The following SLIT3 variants were observed in gnomAD, a reference collection of about 807,000 sequenced individuals.
The protein encoded by SLIT3 is slit homolog 3 protein.
Under a neutral mutation model 184.0 loss-of-function variants are expected in SLIT3, and 68 were observed. That is an observed-to-expected ratio of 0.37 (90% confidence interval 0.30 to 0.45). The LOEUF (loss-of-function observed/expected upper bound fraction) is 0.45. Ranked by LOEUF, SLIT3 falls within the 20% of genes least tolerant of loss-of-function variation. SLIT3 has a pLI of 1.00. For missense variants in SLIT3, 1,707 were observed against 2,026.0 expected (o/e 0.84, Z 3.02); for synonymous variants, 831 against 828.6 (o/e 1.00, Z -0.05).
rs1373746581 is a variant in SLIT3 at position 168,688,831 on chromosome 5, C to T, written c.3177-1715G>A. ...TTGGCCCAGGAAGCCATCTGTGTGT[C>T]TCTTGAATTCTAAAAAGTAGTTGCA... On this transcript the variant is annotated intron_variant, in intron 29 of 35. Transcript: ENST00000519560. 2.6e-5 allele frequency among the ~76,000 whole-genome samples: 4 copies of T among 152,334 alleles called. No individual in the cohort carries two copies. The East Asian group carries it at 7.7e-4, about 29-fold the overall frequency.
At chr5:168,962,648 G>T (rs1763057944) in intron 4 of SLIT3, among the ~76,000 whole-genome samples, 1 of 152,098 alleles carries the variant, frequency 6.6e-6, no homozygotes, top group South Asian at 2.1e-4. Context: ...TCCCACTGAG[G>T]CCCCCCAGGG....
chr5:169,060,251 G>T (rs944366152), intron 4 of SLIT3, among the ~76,000 whole-genome samples: 3 of 152,204 alleles, frequency 2.0e-5, no homozygotes, highest in Non-Finnish European at 4.4e-5. Flanking sequence ...TTAGCTGGGT[G>T]TGGTGGCACA....
intron 1 of SLIT3, among the ~76,000 whole-genome samples, chr5:169,295,734 A>T (rs1767481457): frequency 6.6e-6 from 1 of 152,254 alleles, no homozygotes. Flanking sequence ...GGTGAGACAG[A>T]ACTCTGTGAC....
intron 4 of SLIT3, among the ~76,000 whole-genome samples, chr5:169,002,726 CA>C (rs1755763437): frequency 6.6e-6 from 1 of 152,188 alleles, no homozygotes; most frequent in Non-Finnish European, 1.5e-5. Context: ...CTTCCTTGAT[CA>C]AAGTATTTCC....
intron 7 of SLIT3, among the ~76,000 whole-genome samples, chr5:168,819,733 T>TA (rs1284339235): frequency 6.6e-6 from 1 of 152,222 alleles, no homozygotes; most frequent in Non-Finnish European, 1.5e-5. Flanking sequence ...AGGTTTCCCT[T>TA]TTGGAAGATT....
intron 4 of SLIT3, among the ~76,000 whole-genome samples, chr5:169,067,890 G>A (rs1177939994): frequency 6.6e-6 from 1 of 152,212 alleles, no homozygotes; most frequent in African/African-American, 2.4e-5. Context: ...CTAACGCTCA[G>A]GGCATCAAAC....
At chr5:168,971,717 G>A (rs139277258) in intron 4 of SLIT3, among the ~76,000 whole-genome samples, 229 of 152,296 alleles carry the variant, frequency 1.5e-3, no homozygotes, top group African/African-American at 5.3e-3. Flanking sequence ...CAAGTAAGCC[G>A]AAAACCAGAG....
intron 16 of SLIT3, among the ~76,000 whole-genome samples, chr5:168,758,968 G>A (rs902768971): frequency 2.6e-5 from 4 of 152,148 alleles, no homozygotes; most frequent in African/African-American, 7.2e-5. Flanking sequence ...TTTGTTTCAT[G>A]CATAAAATTA....
intron 8 of SLIT3, 76 bp downstream of exon 8, chr5:168,817,224 G>A: frequency 7.2e-7 from 1 of 1,396,492 alleles, no homozygotes; most frequent in Non-Finnish European, 1.0e-6. Flanking sequence ...TGTGTTCAAG[G>A]TCAGGGTGAT....
At chr5:168,806,636 C>T in intron 8 of SLIT3, 49 bp from the exon 9 acceptor site, 1 of 1,607,644 alleles carries the variant, frequency 6.2e-7, no homozygotes, top group Non-Finnish European at 8.5e-7. Flanking sequence ...TCAGGAGCTG[C>T]CTGGGCTTCT....
At chr5:168,924,007 T>C (rs1301021214) in intron 4 of SLIT3, among the ~76,000 whole-genome samples, 1 of 152,248 alleles carries the variant, frequency 6.6e-6, no homozygotes, top group African/African-American at 2.4e-5. Context: ...AGAGACTGTC[T>C]GGCCTGCAAA....
intron 4 of SLIT3, among the ~76,000 whole-genome samples, chr5:169,071,659 A>G (rs1438530788): frequency 6.6e-6 from 1 of 152,134 alleles, no homozygotes; most frequent in Non-Finnish European, 1.5e-5. Flanking sequence ...GTCCTTTGAC[A>G]TGGAATCTTT....
chr5:169,135,630 G>A (rs1761474875), intron 4 of SLIT3, among the ~76,000 whole-genome samples: 1 of 152,154 alleles, frequency 6.6e-6, no homozygotes, highest in African/African-American at 2.4e-5. Context: ...ATTTATATAT[G>A]CTTCTGTTTC....
intron 34 of SLIT3, 123 bp downstream of exon 34, chr5:168,671,075 G>T: frequency 9.1e-7 from 1 of 1,101,826 alleles, no homozygotes; most frequent in African/African-American, 1.6e-5. Flanking sequence ...CACTTACACA[G>T]ATCCTATCTG....
At chr5:168,755,397 CTTTCTTTCTTTCTT>C (rs1221835606) in intron 16 of SLIT3, among the ~76,000 whole-genome samples, 3 of 14,798 alleles carry the variant, frequency 2.0e-4, no homozygotes, top group Non-Finnish European at 3.4e-4. Context: ...CCATTTCTTT[CTTTCTTTCTTTCTT>C]TCTTTCTTTC....
intron 4 of SLIT3, chr5:169,120,134 A>T (rs1160994740): frequency 6.6e-6 from 1 of 152,252 alleles, no homozygotes; most frequent in Non-Finnish European, 1.5e-5. Flanking sequence ...GTCCCATTTA[A>T]AATTAGACTT....
At chr5:168,756,296 C>A (rs989302950) in intron 16 of SLIT3, among the ~76,000 whole-genome samples, 1 of 152,226 alleles carries the variant, frequency 6.6e-6, no homozygotes, top group Admixed American at 6.5e-5. Flanking sequence ...GGCGAGAACT[C>A]CCTTAGGGAC....
At chr5:169,280,500 G>C (rs1396530787) in intron 1 of SLIT3, among the ~76,000 whole-genome samples, 1 of 152,196 alleles carries the variant, frequency 6.6e-6, no homozygotes, top group Non-Finnish European at 1.5e-5. Flanking sequence ...GGCTATGTGG[G>C]AGTGTGTGAG....
chr5:168,919,219 C>T (rs966118002), intron 4 of SLIT3, among the ~76,000 whole-genome samples: 3 of 148,448 alleles, frequency 2.0e-5, no homozygotes, highest in African/African-American at 7.5e-5. Flanking sequence ...GAGATCGCGC[C>T]ACTGCACTCC....
Sources: allele counts gnomAD v4.1 joint callset (sites outside exome capture counted in the v4.1 genomes callset), GRCh38; gene constraint gnomAD v4.1.1; transcripts MANE v1.5; gene names NCBI Gene and HGNC (gene_info 2026-07-23, HGNC 2026-07-21).